Variants in TLN2 observed in about 807,000 individuals in gnomAD.
TLN2 encodes talin 2, also known as talin-2.
TLN2 carries 118 observed loss-of-function variants against 294.7 expected under a neutral mutation model. That is an observed-to-expected ratio of 0.40 (90% CI 0.34 to 0.47). The LOEUF is 0.47. TLN2 is among the 20% of genes least tolerant of loss of function. The pLI is 0.84. For synonymous variants in TLN2, 1,431 were observed against 1,304.5 expected (o/e 1.10, Z -2.09); for missense variants, 3,083 against 3,282.2 (o/e 0.94, Z 1.48).
chr15:62,749,124 G>C (rs571766307), intron 33 of TLN2, among the ~76,000 whole-genome samples: 1 of 152,246 alleles, frequency 6.6e-6, no homozygotes, highest in Non-Finnish European at 1.5e-5. Flanking sequence ...GAGTATCTCA[G>C]TAGATGTGGG....
intron 27 of TLN2, 139 bp downstream of exon 27, chr15:62,725,243 C>T (rs2060373067): frequency 4.6e-6 from 6 of 1,297,682 alleles, no homozygotes; most frequent in Non-Finnish European, 6.1e-6. Flanking sequence ...AAAAGAATGC[C>T]CAGGGCAGCT....
At chr15:62,597,028 T>C (rs1480260817) in intron 2 of TLN2, among the ~76,000 whole-genome samples, 1 of 152,194 alleles carries the variant, frequency 6.6e-6, no homozygotes, top group African/African-American at 2.4e-5. Flanking sequence ...CAGATCACGC[T>C]GTTAGTTCTC....
At chr15:62,511,157 A>G (rs1364300654) in intron 1 of TLN2, among the ~76,000 whole-genome samples, 1 of 152,220 alleles carries the variant, frequency 6.6e-6, no homozygotes, top group Non-Finnish European at 1.5e-5. Flanking sequence ...CTGAACTAGG[A>G]TGATCAGGGC....
At chr15:62,683,286 C>G (rs1272748071) in intron 11 of TLN2, among the ~76,000 whole-genome samples, 11 of 152,222 alleles carry the variant, frequency 7.2e-5, no homozygotes, top group Admixed American at 7.2e-4. Flanking sequence ...GCAATCTCTA[C>G]ACCAGTGAAA....
intron 1 of TLN2, among the ~76,000 whole-genome samples, chr15:62,433,982 C>G (rs2035158133): frequency 6.6e-6 from 1 of 151,874 alleles, no homozygotes; most frequent in South Asian, 2.1e-4. Context: ...GAGCAAGATT[C>G]TGTCCCCCCG....
At chr15:62,482,329 A>G (rs1484053001) in intron 1 of TLN2, among the ~76,000 whole-genome samples, 4 of 152,040 alleles carry the variant, frequency 2.6e-5, no homozygotes, top group Non-Finnish European at 4.4e-5. Flanking sequence ...TTGGCCAGGC[A>G]TGGTGGCTCA....
chr15:62,576,660 T>TTCCCC (rs2044435548), intron 1 of TLN2, among the ~76,000 whole-genome samples: 1 of 105,334 alleles, frequency 9.5e-6, no homozygotes, highest in Non-Finnish European at 2.0e-5. Flanking sequence ...ATGGAATGAT[T>TTCCCC]CCCCCCCCCG....
At chr15:62,508,466 C>T (rs1176844310) in intron 1 of TLN2, among the ~76,000 whole-genome samples, 3 of 152,188 alleles carry the variant, frequency 2.0e-5, no homozygotes, top group Non-Finnish European at 4.4e-5. Context: ...CCACCCGCCT[C>T]GGCCTCCCAA....
At chr15:62,465,039 T>G (rs2037036461) in intron 1 of TLN2, among the ~76,000 whole-genome samples, 1 of 152,042 alleles carries the variant, frequency 6.6e-6, no homozygotes, top group Non-Finnish European at 1.5e-5. Context: ...TAAATGATCT[T>G]TAGATTTCCT....
chr15:62,722,718 G>A (rs1238801272), intron 26 of TLN2, among the ~76,000 whole-genome samples: 1 of 152,130 alleles, frequency 6.6e-6, no homozygotes, highest in East Asian at 1.9e-4. Flanking sequence ...ACTATTTTGA[G>A]TTGTGTACTT....
intron 1 of TLN2, among the ~76,000 whole-genome samples, chr15:62,488,957 C>A (rs2038557048): frequency 6.6e-6 from 1 of 152,030 alleles, no homozygotes; most frequent in African/African-American, 2.4e-5. Context: ...GGTCAGGAGT[C>A]CAAGACCAGC....
chr15:62,445,270 C>T (rs1296233845), intron 1 of TLN2, among the ~76,000 whole-genome samples: 1 of 152,216 alleles, frequency 6.6e-6, no homozygotes, highest in African/African-American at 2.4e-5. Context: ...GTGACCTCCA[C>T]CTCCACCTTT....
chr15:62,405,758 A>G (rs2033358353), intron 1 of TLN2, among the ~76,000 whole-genome samples: 1 of 152,138 alleles, frequency 6.6e-6, no homozygotes, highest in Admixed American at 6.5e-5. Flanking sequence ...GCTCTGACAG[A>G]AGGAGTAGAA....
intron 42 of TLN2, among the ~76,000 whole-genome samples, chr15:62,774,663 G>A (rs1052110834): frequency 1.3e-5 from 2 of 152,156 alleles, no homozygotes; most frequent in African/African-American, 4.8e-5. Context: ...AGAAGTGAAG[G>A]AGAGCAGGCC....
chr15:62,472,729 G>T (rs2037551300), intron 1 of TLN2, among the ~76,000 whole-genome samples: 1 of 152,164 alleles, frequency 6.6e-6, no homozygotes, highest in African/African-American at 2.4e-5. Flanking sequence ...GTGTGGGAAG[G>T]GTTAGGAATT....
chr15:62,706,850 A>G (rs531073064), intron 19 of TLN2, among the ~76,000 whole-genome samples: 27 of 152,342 alleles, frequency 1.8e-4, no homozygotes, highest in Non-Finnish European at 2.9e-4. Flanking sequence ...CCCTCAAATT[A>G]ACTATTTTAG....
chr15:62,800,440 G>T lies in TLN2; in HGVS notation c.6307G>T (p.Ala2103Ser), dbSNP rs962528590. Residue 2103 changes from alanine (A) to serine (S), a missense_variant, in exon 49 of 59, where the codon GCC (alanine) becomes TCC (serine). Physicochemically the swap from Ala to Ser is moderately conservative, Grantham distance 99 (BLOSUM62 1). Transcript: ENST00000636159. ...SDLISATKGA[A>S]SKPVDDPSMY... The stretch of plus-strand genomic sequence containing the variant: ...TCTCATCAGTGCTACCAAGGGAGCT[G>T]CCAGCAAGCCAGTGGACGACCCTTC... 1.9e-6 allele frequency: 3 copies of T among 1,614,100 alleles called. No homozygotes were observed. The highest frequency in any genetic ancestry group is 2.7e-5 in the African/African-American group (2 of 74,930).
chr15:62,778,494 T>C (rs1397166946), intron 43 of TLN2, among the ~76,000 whole-genome samples: 1 of 152,250 alleles, frequency 6.6e-6, no homozygotes, highest in Non-Finnish European at 1.5e-5. Context: ...TGGGAGAAGA[T>C]ATTTTTCAGT....
intron 1 of TLN2, among the ~76,000 whole-genome samples, chr15:62,486,293 T>C (rs2038387461): frequency 1.3e-5 from 2 of 152,168 alleles, no homozygotes; most frequent in African/African-American, 2.4e-5. Context: ...TGTAGTACTA[T>C]TATCCAGTAT....
Sources: allele counts gnomAD v4.1 joint callset (sites outside exome capture counted in the v4.1 genomes callset), GRCh38; gene constraint gnomAD v4.1.1; transcripts MANE v1.5; gene names NCBI Gene and HGNC (gene_info 2026-07-23, HGNC 2026-07-21).